The following DOP1A variants were observed in gnomAD, a reference collection of about 807,000 sequenced individuals.
The protein encoded by DOP1A is protein DOP1A.
DOP1A carries 90 observed loss-of-function variants against 267.6 expected under a neutral mutation model. The observed-to-expected ratio is 0.34, with a 90% confidence interval of 0.28 to 0.40. The LOEUF (loss-of-function observed/expected upper bound fraction) is 0.40, where lower values mean the gene tolerates loss of function less well. Ranked by LOEUF, DOP1A falls within the 10% of genes least tolerant of loss-of-function variation. The pLI is 1.00. For missense variants in DOP1A, 2,437 were observed against 2,900.4 expected, an observed-to-expected ratio of 0.84 and a Z score of 3.67; for synonymous variants, 932 against 999.1, an observed-to-expected ratio of 0.93 and a Z score of 1.27.
At chr6:83,128,714 T>C (rs1040860851) in intron 15 of DOP1A, among the ~76,000 whole-genome samples, 173 bp from the exon 16 acceptor site, 9 of 152,168 alleles carry the variant, frequency 5.9e-5, no homozygotes, top group African/African-American at 1.7e-4. Context: ...GTGTGTGTAG[T>C]GCATAGTAAA....
chr6:83,167,822 T>C (rs1341283903), intron 38 of DOP1A, 40 bp from the exon 39 acceptor site: 1 of 1,549,204 alleles, frequency 6.5e-7, no homozygotes, highest in Non-Finnish European at 8.7e-7. Context: ...TACCACATTG[T>C]CTGTTGTATT....
intron 12 of DOP1A, 108 bp from the exon 13 acceptor site, chr6:83,124,597 G>A (rs1776853615): frequency 1.9e-5 from 16 of 822,026 alleles, no homozygotes; most frequent in South Asian, 5.8e-5. Context: ...AAACATTACT[G>A]TGTGTGACCC....
Position 83,128,947 on chromosome 6 carries a change from A to G in DOP1A, c.1780A>G (p.Ser594Gly). ...EVFEDGENPP[S>G]SRSSESGFTE... is the part of the protein sequence containing the mutation. The stretch of plus-strand genomic sequence containing the variant: ...GTTTGAAGATGGAGAAAATCCACCA[A>G]GTAGTCGATCATCAGAGAGTGGATT... The change falls in exon 16 of 39, where the codon AGT becomes GGT. Residue 594 changes from serine to glycine, a missense_variant. Physicochemically the swap from Ser to Gly is moderately conservative, Grantham distance 56 (BLOSUM62 0). Transcript: ENST00000349129. 1.3e-6 allele frequency: 2 copies of G among 1,570,996 alleles called. No individual in the cohort carries two copies. Among genetic ancestry groups the G allele is most frequent in the Non-Finnish European group, 1.7e-6 (2 of 1,157,494 alleles).
intron 15 of DOP1A, among the ~76,000 whole-genome samples, chr6:83,128,437 A>G (rs1777527868): frequency 6.6e-6 from 1 of 152,196 alleles, no homozygotes; most frequent in East Asian, 1.9e-4. Context: ...AGAAAGTAAG[A>G]TTAATAGCAA....
intron 3 of DOP1A, among the ~76,000 whole-genome samples, chr6:83,098,290 C>T (rs763165538): frequency 2.0e-5 from 3 of 152,186 alleles, no homozygotes; most frequent in Non-Finnish European, 4.4e-5. Context: ...GCTCTCACCA[C>T]GACAATCAAT....
intron 36 of DOP1A, among the ~76,000 whole-genome samples, chr6:83,159,384 C>G (rs10943928): frequency 0.094 from 14,325 of 152,088 alleles, 863 homozygotes; most frequent in East Asian, 0.15. Flanking sequence ...GGTGATTCCC[C>G]CACCTCAGCC....
chr6:83,136,413 A>G (rs1778865653), intron 20 of DOP1A, among the ~76,000 whole-genome samples: 1 of 152,104 alleles, frequency 6.6e-6, no homozygotes. Context: ...ATACAGTGAT[A>G]TTGTCCCCTT....
chr6:83,073,015 G>A, intron 1 of DOP1A: 1 of 361,912 alleles, frequency 2.8e-6, no homozygotes, highest in Non-Finnish European at 5.5e-6. Context: ...CATTTTGGAA[G>A]AAATAAGTGT....
intron 1 of DOP1A, among the ~76,000 whole-genome samples, chr6:83,093,059 CTT>C (rs1207278650): frequency 3.9e-5 from 6 of 152,134 alleles, no homozygotes; most frequent in Non-Finnish European, 8.8e-5. Flanking sequence ...CCCACATAAA[CTT>C]TATATTATTT....
rs969114696 is a variant in DOP1A at position 83,138,090 on chromosome 6, G to A, written c.4048G>A (p.Gly1350Ser). 2 of 1,613,622 alleles carry A rather than the reference G, an allele frequency of 1.2e-6. No homozygotes were observed. Among genetic ancestry groups the A allele is most frequent in the Admixed American group, 1.7e-5 (1 of 59,962 alleles). Residue 1350 changes from glycine (G) to serine (S), a missense_variant, in exon 21 of 39, where the codon GGT (glycine) becomes AGT (serine). Transcript: ENST00000349129. ...GDISEIESDM[G>S]SPGSRKSPNF... ...CATTTCTGAAATTGAGAGTGACATG[G>A]GTTCTCCAGGATCTCGAAAATCTCC...
intron 1 of DOP1A, among the ~76,000 whole-genome samples, chr6:83,089,810 G>A (rs1487987093): frequency 2.6e-5 from 4 of 152,146 alleles, no homozygotes; most frequent in Admixed American, 2.0e-4. Context: ...TTGATATAAC[G>A]TTTAAGATGA....
At chr6:83,081,619 T>A (rs1212502048) in intron 1 of DOP1A, among the ~76,000 whole-genome samples, 1 of 152,168 alleles carries the variant, frequency 6.6e-6, no homozygotes, top group African/African-American at 2.4e-5. Context: ...CTATGTGACA[T>A]TGATCTGCAC....
chr6:83,085,774 G>A (rs923395342), intron 1 of DOP1A, among the ~76,000 whole-genome samples: 1 of 132,426 alleles, frequency 7.6e-6, no homozygotes, highest in East Asian at 2.1e-4. Flanking sequence ...GTTTTTTGCG[G>A]TATTTTATGT....
At chr6:83,167,003 T>C in intron 38 of DOP1A, 9 of 985,786 alleles carry the variant, frequency 9.1e-6, no homozygotes, top group Non-Finnish European at 9.6e-6. Context: ...CTCTCTTATC[T>C]TTCTCTAGAC....
intron 4 of DOP1A, among the ~76,000 whole-genome samples, chr6:83,103,433 A>G (rs968485481): frequency 6.6e-6 from 1 of 152,140 alleles, no homozygotes; most frequent in Admixed American, 6.5e-5. Context: ...ATCTCCACTA[A>G]AGAACTTATT....
rs2128251041 is a variant in DOP1A, at chr6:83,134,177, T to C, written c.2770-10T>C. ...AAGAACATAATTTAAGCTCCCATGT[T>C]TCTCCTCAGAAAATAAGGATGGAAG... On this transcript the variant is annotated splice_polypyrimidine_tract_variant and intron_variant, in intron 18 of 38. Transcript: ENST00000349129. The C allele has an allele frequency of 1.2e-6, 2 of 1,610,180 alleles. No homozygotes were observed. Among genetic ancestry groups the C allele is most frequent in the Non-Finnish European group, 8.5e-7 (1 of 1,177,960 alleles).
chr6:83,160,019 T>A, intron 37 of DOP1A, 59 bp downstream of exon 37: 3 of 1,497,546 alleles, frequency 2.0e-6, no homozygotes, highest in Non-Finnish European at 1.8e-6. Flanking sequence ...CTTTGGTCAC[T>A]GACATCTATG....
intron 6 of DOP1A, among the ~76,000 whole-genome samples, chr6:83,112,574 C>T (rs1225419389): frequency 6.6e-6 from 1 of 152,128 alleles, no homozygotes; most frequent in Non-Finnish European, 1.5e-5. Flanking sequence ...AGTAAACTCC[C>T]TTGCCTCAGC....
At chr6:83,155,298 CAAAA>C (rs1197027815) in intron 33 of DOP1A, among the ~76,000 whole-genome samples, 5 of 57,782 alleles carry the variant, frequency 8.7e-5, no homozygotes, top group Non-Finnish European at 1.5e-4. Flanking sequence ...CCCAGCTCTA[CAAAA>C]AAAAAAAAAA....
Sources: gnomAD v4.1 joint callset for allele counts (sites outside exome capture counted in the v4.1 genomes callset) on GRCh38, gnomAD v4.1.1 for gene constraint, MANE v1.5 for transcripts, NCBI Gene and HGNC (gene_info 2026-07-23, HGNC 2026-07-21) for gene names.